EYA4: variants seen among roughly 807,000 people sequenced by gnomAD.
EYA4 encodes protein phosphatase EYA4.
EYA4 carries 31 observed loss-of-function variants against 87.9 expected under a neutral mutation model. The observed-to-expected ratio is 0.35, with a 90% confidence interval of 0.27 to 0.48. The LOEUF (loss-of-function observed/expected upper bound fraction) is 0.48. EYA4 is among the 20% of genes least tolerant of loss of function. EYA4 has a pLI of 0.99. For synonymous variants in EYA4, 263 were observed against 270.6 expected, an observed-to-expected ratio of 0.97 and a Z score of 0.28; for missense variants, 678 against 761.4, an observed-to-expected ratio of 0.89 and a Z score of 1.29.
intron 2 of EYA4, among the ~76,000 whole-genome samples, chr6:133,380,561 A>T (rs1477650635): frequency 1.3e-5 from 2 of 152,168 alleles, no homozygotes; most frequent in Admixed American, 1.3e-4. Context: ...TCCAGTCATC[A>T]TGGTCTTGAG....
chr6:133,458,251 TTTG>T (rs1794072813), intron 6 of EYA4, among the ~76,000 whole-genome samples: 1 of 152,118 alleles, frequency 6.6e-6, no homozygotes, highest in South Asian at 2.1e-4. Flanking sequence ...AATTAAAAAT[TTTG>T]TTTTTTATTT....
intron 3 of EYA4, among the ~76,000 whole-genome samples, chr6:133,384,168 G>A (rs1786500185): frequency 6.6e-6 from 1 of 152,140 alleles, no homozygotes; most frequent in South Asian, 2.1e-4. Context: ...CTGATTCATT[G>A]TTCATAGTTG....
intron 2 of EYA4, among the ~76,000 whole-genome samples, chr6:133,290,453 T>C (rs1326126020): frequency 5.3e-5 from 8 of 152,178 alleles, no homozygotes; most frequent in Admixed American, 3.9e-4. Context: ...TCAGACATGA[T>C]GTGAAAGGGG....
At chr6:133,438,637 TAGATG>T (rs1283129973) in intron 3 of EYA4, among the ~76,000 whole-genome samples, 1 of 152,054 alleles carries the variant, frequency 6.6e-6, no homozygotes, top group East Asian at 1.9e-4. Context: ...CTTTGTCATT[TAGATG>T]GTAAACTCCT....
intron 2 of EYA4, among the ~76,000 whole-genome samples, chr6:133,356,746 A>AGTGT (rs58234857): frequency 2.1e-3 from 292 of 136,860 alleles, no homozygotes; most frequent in South Asian, 7.2e-3. Context: ...AGCATTATTC[A>AGTGT]GTGTGTGTGT....
At chr6:133,507,299 A>G (rs941016062) in intron 14 of EYA4, 2 of 152,236 alleles carry the variant, frequency 1.3e-5, no homozygotes, top group African/African-American at 4.8e-5. Flanking sequence ...GCTCCAGAGC[A>G]CATACTTCTG....
At chr6:133,517,889 T>G (rs1799738921) in intron 17 of EYA4, among the ~76,000 whole-genome samples, 1 of 152,216 alleles carries the variant, frequency 6.6e-6, no homozygotes, top group African/African-American at 2.4e-5. Context: ...TTCACCTGTT[T>G]CAGACGTTAG....
intron 13 of EYA4, among the ~76,000 whole-genome samples, chr6:133,498,075 G>A (rs1201362524): frequency 6.6e-6 from 1 of 152,168 alleles, no homozygotes; most frequent in Non-Finnish European, 1.5e-5. Context: ...ATAGCATTTG[G>A]CTGGATTTTA....
chr6:133,384,412 A>C (rs994784228), intron 3 of EYA4, among the ~76,000 whole-genome samples: 9 of 152,242 alleles, frequency 5.9e-5, no homozygotes, highest in African/African-American at 2.2e-4. Flanking sequence ...ATCAGCAGTT[A>C]GTTGCTGTGG....
At chr6:133,464,586 A>G (rs560323321) in intron 9 of EYA4, among the ~76,000 whole-genome samples, 193 bp from the exon 10 acceptor site, 3 of 152,146 alleles carry the variant, frequency 2.0e-5, no homozygotes, top group Non-Finnish European at 4.4e-5. Flanking sequence ...AACAGATTCA[A>G]TAGGAAAGGG....
At chr6:133,339,949 G>T (rs1782659978) in intron 2 of EYA4, among the ~76,000 whole-genome samples, 1 of 152,162 alleles carries the variant, frequency 6.6e-6, no homozygotes, top group African/African-American at 2.4e-5. Flanking sequence ...GATTACAGAG[G>T]TGCATAAAGT....
chr6:133,500,287 C>T (rs1357192628), intron 13 of EYA4, among the ~76,000 whole-genome samples: 3 of 151,988 alleles, frequency 2.0e-5, no homozygotes, highest in Admixed American at 2.0e-4. Context: ...ACCGGTGTTC[C>T]CCATGCATGG....
chr6:133,479,629 T>TA lies in EYA4; in HGVS notation c.971-1829dup, dbSNP rs138223670. Among the ~76,000 whole-genome samples, 324 of 152,324 alleles carry TA rather than the reference T, an allele frequency of 2.1e-3. 12 individuals carry two copies. In the East Asian group the frequency reaches 0.052, roughly 25 times the overall value. The stretch of plus-strand genomic sequence containing the variant: ...ATAATAGCCATAATATCTTTTTGTT[T>TA]AAAAATCATGTAATTTAAATTTAAT... On this transcript the variant is annotated intron_variant, in intron 11 of 19. Transcript: ENST00000355286.
intron 2 of EYA4, among the ~76,000 whole-genome samples, chr6:133,283,119 C>T (rs942069259): frequency 6.6e-6 from 1 of 151,834 alleles, no homozygotes; most frequent in Non-Finnish European, 1.5e-5. Context: ...CATGGTGAAA[C>T]CCTGTATCTA....
At chr6:133,454,931 G>A (rs1246452652) in intron 5 of EYA4, among the ~76,000 whole-genome samples, 1 of 152,018 alleles carries the variant, frequency 6.6e-6, no homozygotes, top group East Asian at 1.9e-4. Context: ...GCATACTAGA[G>A]CTAAAAACCT....
At chr6:133,370,079 G>T (rs1045883221) in intron 2 of EYA4, among the ~76,000 whole-genome samples, 1 of 152,166 alleles carries the variant, frequency 6.6e-6, no homozygotes, top group Non-Finnish European at 1.5e-5. Context: ...GAAGGTTCAC[G>T]CCAGAGCAAG....
chr6:133,391,222 GT>G (rs531819011), intron 3 of EYA4, among the ~76,000 whole-genome samples: 7 of 89,832 alleles, frequency 7.8e-5, no homozygotes, highest in Admixed American at 1.0e-4. Context: ...TTTTGTTTTT[GT>G]TTTTTTTTTT....
rs1344051266 is a variant in EYA4, at chr6:133,525,198, A to C, written c.1783A>C (p.Lys595Gln). The C allele has an allele frequency of 1.2e-5, 20 of 1,613,824 alleles. No individual in the cohort carries two copies. Among genetic ancestry groups the C allele is most frequent in the Non-Finnish European group, 1.7e-5 (20 of 1,179,800 alleles). ...FERIMQRFGR[K>Q]VVYVVIGDGV... ...ACGAATAATGCAAAGGTTTGGCAGA[A>C]AAGTAGTGTATGTTGTAATTGGGGA... The change falls in exon 19 of 20, where the codon AAA (lysine) becomes CAA (glutamine). Residue 595 changes from lysine (K) to glutamine (Q), a missense_variant. Lys to Gln is a moderately conservative substitution (Grantham distance 53). Coordinates refer to ENST00000355286, the MANE Select transcript of EYA4 (RefSeq NM_004100.5).
intron 1 of EYA4, among the ~76,000 whole-genome samples, chr6:133,271,840 G>A (rs909640407): frequency 2.6e-5 from 4 of 152,030 alleles, no homozygotes; most frequent in African/African-American, 9.7e-5. Context: ...CTATCCACTT[G>A]ATTATTGAAA....
Sources: allele counts gnomAD v4.1 joint callset (sites outside exome capture counted in the v4.1 genomes callset), GRCh38; gene constraint gnomAD v4.1.1; transcripts MANE v1.5; gene names NCBI Gene and HGNC (gene_info 2026-07-23, HGNC 2026-07-21).